The following CLDN15 variants were observed in gnomAD, a reference collection of about 807,000 sequenced individuals.
CLDN15 encodes claudin-15.
CLDN15 carries 9 observed loss-of-function variants against 24.5 expected under a neutral mutation model. That is an observed-to-expected ratio of 0.37 (90% CI 0.22 to 0.64). The LOEUF (loss-of-function observed/expected upper bound fraction) is 0.64. Among genes scored for constraint, CLDN15 ranks in the 30% least tolerant of loss-of-function variants. The pLI is 0.63. For synonymous variants in CLDN15, 149 were observed against 131.4 expected (o/e 1.13, Z -0.92); for missense variants, 248 against 305.9 (o/e 0.81, Z 1.41).
Position 101,232,904 on chromosome 7 carries a change from C to G in CLDN15, c.393G>C (p.Gly131=). Residue 131 remains glycine, a synonymous_variant, in exon 3 of 5, where the codon GGG becomes GGC. Coordinates refer to ENST00000308344, the MANE Select transcript of CLDN15 (RefSeq NM_014343.3). The stretch of plus-strand genomic sequence containing the variant: ...AGGCGTACCAGGAGATGGCCACCAT[C>G]CCGCAGATACCTGGGGACCGGAGGA... ...GALHILAGIC[G]MVAISWYAFN... The G allele has an allele frequency of 6.2e-7, 1 of 1,612,948 alleles. No individual in the cohort carries two copies. Among genetic ancestry groups the G allele is most frequent in the Non-Finnish European group, 8.5e-7 (1 of 1,179,560 alleles).
At position 101,232,620 on chromosome 7, in the gene CLDN15, C is replaced by T. The variant is rs779074661; in HGVS notation, c.565G>A (p.Glu189Lys). The T allele has an allele frequency of 2.4e-5, 38 of 1,589,154 alleles. No homozygotes were observed. The highest frequency in any genetic ancestry group is 3.2e-5 in the Non-Finnish European group (37 of 1,168,196). Reference protein sequence around the residue: ...LCSACCCGSDEDPAASARRPY... With the variant: ...LCSACCCGSDKDPAASARRPY... ...CCTGCTCACCTGGCGGCTGGGTCCT[C>T]GTCAGAGCCGCAGCAGCAGGCGGAG... Residue 189 changes from glutamate to lysine, a missense_variant, in exon 4 of 5, where the codon GAG (glutamate) becomes AAG (lysine). Physicochemically the swap from Glu to Lys is moderately conservative, Grantham distance 56. Transcript: ENST00000308344.
At chr7:101,236,369 A>T (rs1042510731) in intron 1 of CLDN15, among the ~76,000 whole-genome samples, 1 of 152,134 alleles carries the variant, frequency 6.6e-6, no homozygotes, top group African/African-American at 2.4e-5. Flanking sequence ...GGGGCACAGG[A>T]GACCCACCCA....
rs1013589469 is a variant in CLDN15, at chr7:101,232,266, T to C, written c.*144A>G. The C allele has an allele frequency of 1.5e-5, 9 of 605,508 alleles. No individual in the cohort carries two copies. In the African/African-American group the frequency reaches 1.7e-4, roughly 11 times the overall value. 37.5% of individuals were successfully genotyped at this position (605,508 alleles called of 1,614,324 possible). On this transcript the variant is annotated 3_prime_UTR_variant, in exon 5 of 5. Transcript: ENST00000308344. Reference sequence around the variant, plus strand: ...TCTTGGCCTGGAGGGGCCATGAGAGTGCAAGACACGGGGCCGTGGCCGGGG... The same window carrying C: ...TCTTGGCCTGGAGGGGCCATGAGAGCGCAAGACACGGGGCCGTGGCCGGGG...
Position 101,232,243 on chromosome 7 carries a change from T to C in CLDN15, c.*167A>G. 3.4e-6 allele frequency: 2 copies of C among 582,984 alleles called. No individual in the cohort carries two copies. The highest frequency in any genetic ancestry group is 6.1e-6 in the Non-Finnish European group (2 of 328,082). The allele number at this position is 582,984 out of a possible 1,614,324, so 36.1% of individuals were successfully genotyped here. A position where few individuals can be genotyped will look rare whatever the true frequency, so the allele number is the denominator to read the frequency against. ...ATATGCGACTTCCCAAGAGCAGTTC[T>C]TGGCCTGGAGGGGCCATGAGAGTGC... On this transcript the variant is annotated 3_prime_UTR_variant, in exon 5 of 5. Coordinates refer to ENST00000308344, the MANE Select transcript of CLDN15 (RefSeq NM_014343.3).
At chr7:101,233,870 C>T (rs575330374) in intron 2 of CLDN15, 14 of 313,792 alleles carry the variant, frequency 4.5e-5, no homozygotes, top group Non-Finnish European at 8.4e-5. Context: ...GTAATCCACC[C>T]ACCTCAGCCT....
intron 1 of CLDN15, among the ~76,000 whole-genome samples, chr7:101,236,270 G>C (rs978109134): frequency 5.3e-4 from 80 of 151,882 alleles, no homozygotes; most frequent in African/African-American, 1.6e-3. Flanking sequence ...TGGGGGGGGG[G>C]CCCGCCGGCC....
upstream of CLDN15, chr7:101,238,017 A>G: frequency 4.1e-6 from 1 of 242,898 alleles, no homozygotes; most frequent in Non-Finnish European, 8.3e-6. Context: ...TCTGTCTCTG[A>G]CTCAGCTTTC....
At position 101,236,853 on chromosome 7, in the gene CLDN15, C is replaced by G. The variant is rs775952914; in HGVS notation, c.217+512G>C. On this transcript the variant is annotated intron_variant, in intron 1 of 4. Coordinates refer to ENST00000308344, the MANE Select transcript of CLDN15 (RefSeq NM_014343.3). ...CATCAGCCGGACAAGGAGACCAGTG[C>G]CCCCCGACAGTGAGGCTGGGGAGTC... 58 of 1,275,256 alleles carry G rather than the reference C, an allele frequency of 4.5e-5. No individual in the cohort carries two copies. The African/African-American group carries it at 8.4e-4, about 18-fold the overall frequency. 79.0% of individuals were successfully genotyped at this position (1,275,256 alleles called of 1,614,324 possible).
chr7:101,232,747 G>A, intron 3 of CLDN15, 27 bp from the exon 4 acceptor site: 3 of 1,586,874 alleles, frequency 1.9e-6, no homozygotes, highest in South Asian at 1.1e-5. Flanking sequence ...CGCGGGGGCG[G>A]GGGACAAGTG....
chr7:101,236,830 T>TCA (rs1798635297), intron 1 of CLDN15: 1 of 1,290,708 alleles, frequency 7.7e-7, no homozygotes, highest in Non-Finnish European at 1.0e-6. Flanking sequence ...TTTATAGACA[T>TCA]CAGCCGGACA....
In CLDN15 at chr7:101,234,254, G is replaced by A. The variant is rs761738689; in HGVS notation, c.382+24C>T. ...AAGTCTGCGGTTGAGGGGGACCCCCGCCCCATCACCTTCCCCCAGTTACCG... is the reference window on the plus strand; with the variant it reads ...AAGTCTGCGGTTGAGGGGGACCCCCACCCCATCACCTTCCCCCAGTTACCG... On this transcript the variant is annotated intron_variant, in intron 2 of 4. Coordinates refer to ENST00000308344, the MANE Select transcript of CLDN15 (RefSeq NM_014343.3). 11 of 1,577,362 alleles carry A rather than the reference G, an allele frequency of 7.0e-6. No individual in the cohort carries two copies. The East Asian group carries it at 9.0e-5, about 13-fold the overall frequency.
At chr7:101,233,025 C>G in intron 2 of CLDN15, 111 bp from the exon 3 acceptor site, 2 of 726,252 alleles carry the variant, frequency 2.8e-6, no homozygotes, top group Non-Finnish European at 4.9e-6. Flanking sequence ...GGCACCAAGT[C>G]CCAGAGCAGC....
chr7:101,237,661 G>T lies in CLDN15; in HGVS notation c.-80C>A, dbSNP rs1018739214. On this transcript the variant is annotated 5_prime_UTR_variant, in exon 1 of 5. Coordinates refer to ENST00000308344, the MANE Select transcript of CLDN15 (RefSeq NM_014343.3). This position sits in a 1 kb window ranked among gnomAD's most constrained non-coding sequence, Gnocchi z 4.0. ...CCCCTAGGGAACTGGAAGGGGCTGC[G>T]GCTAAGGAGGGTTGTCCAGGCAGGC... is the stretch of plus-strand genomic sequence containing the variant. 17 of 991,942 alleles carry T rather than the reference G, an allele frequency of 1.7e-5. No homozygotes were observed. In the African/African-American group the frequency reaches 2.6e-4, roughly 15 times the overall value. 61.4% of individuals were successfully genotyped at this position (991,942 alleles called of 1,614,324 possible).
chr7:101,232,878 A>T lies in CLDN15; in HGVS notation c.419T>A (p.Phe140Tyr), dbSNP rs752834773. ...GTCGAAGAAGTCCCGGGTGATGTTG[A>T]AGGCGTACCAGGAGATGGCCACCAT... ...CGMVAISWYA[F>Y]NITRDFFDPL... The change falls in exon 3 of 5, where the codon TTC becomes TAC. Residue 140 changes from phenylalanine to tyrosine, a missense_variant. Transcript: ENST00000308344. 1.2e-6 allele frequency: 2 copies of T among 1,613,342 alleles called. No homozygotes were observed. Among genetic ancestry groups the T allele is most frequent in the Non-Finnish European group, 1.7e-6 (2 of 1,179,826 alleles).
rs779379972 is a variant in CLDN15 at position 101,232,564 on chromosome 7, CA to C, written c.581+39del. ...AGCGGGGGCGCGGCCCTCCTCTCTC[CA>C]ATCCCGCCCGGCCCCAGCCTGCGCC... On this transcript the variant is annotated intron_variant, in intron 4 of 4. Transcript: ENST00000308344. The C allele has an allele frequency of 9.4e-6, 15 of 1,595,604 alleles. 1 individual carries two copies. The South Asian group carries it at 1.7e-4, about 18-fold the overall frequency.
Position 101,232,475 on chromosome 7 carries a change from C to G in CLDN15, c.622G>C (p.Val208Leu). The G allele has an allele frequency of 6.2e-7, 1 of 1,613,406 alleles. No individual in the cohort carries two copies. Among genetic ancestry groups the G allele is most frequent in the South Asian group, 1.1e-5 (1 of 91,076 alleles). Reference protein sequence around the residue: ...PYQAPVSVMPVATSDQEGDSS... With the variant: ...PYQAPVSVMPLATSDQEGDSS... ...TCGCCTTCTTGGTCCGAGGTGGCGA[C>G]GGGCATCACGGACACTGGAGCCTGG... The change falls in exon 5 of 5, where the codon GTC (valine) becomes CTC (leucine). Residue 208 changes from valine to leucine, a missense_variant. Val to Leu is a conservative substitution (Grantham distance 32, BLOSUM62 1). Coordinates refer to ENST00000308344, the MANE Select transcript of CLDN15 (RefSeq NM_014343.3).
chr7:101,235,013 A>C lies in CLDN15; in HGVS notation c.218-571T>G, dbSNP rs909688112. Among the ~76,000 whole-genome samples, 9 of 152,246 alleles carry C rather than the reference A, an allele frequency of 5.9e-5. No individual in the cohort carries two copies. The South Asian group carries it at 6.2e-4, about 11-fold the overall frequency. On this transcript the variant is annotated intron_variant, in intron 1 of 4. Transcript: ENST00000308344. ...CCCTGACCTCTACCCACGGGGTGCCAGTAGCAACCCCCTCCCCACAAGCTG... is the reference window on the plus strand; with the variant it reads ...CCCTGACCTCTACCCACGGGGTGCCCGTAGCAACCCCCTCCCCACAAGCTG...
chr7:101,232,425 T>C lies in CLDN15; in HGVS notation c.672A>G (p.Arg224=), dbSNP rs1798518188. The change falls in exon 5 of 5, where the codon AGA becomes AGG. Residue 224 remains arginine, a synonymous_variant. Transcript: ENST00000308344. The part of the protein sequence containing the change: ...EGDSSFGKYG[R]NAYV ...GCCAGAGCTGCTACACGTAGGCGTT[T>C]CTGCCGTATTTGCCAAAGCTGCTGT... 1 of 1,612,482 alleles carries C rather than the reference T, an allele frequency of 6.2e-7. No individual in the cohort carries two copies. The highest frequency in any genetic ancestry group is 1.7e-5 in the Admixed American group (1 of 59,966).
chr7:101,232,537 A>T (rs1428158105), intron 4 of CLDN15, 22 bp from the exon 5 acceptor site: 1 of 1,600,782 alleles, frequency 6.2e-7, no homozygotes, highest in Non-Finnish European at 8.5e-7. Context: ...GCCCGGGGTC[A>T]GAGCGGGGGC....
Sources: gnomAD v4.1 joint callset for allele counts (sites outside exome capture counted in the v4.1 genomes callset) on GRCh38, gnomAD v4.1.1 for gene constraint, Gnocchi (gnomAD v3.1) non-coding constraint, MANE v1.5 for transcripts, NCBI Gene and HGNC (gene_info 2026-07-23, HGNC 2026-07-21) for gene names.